SYDE2: variants seen among roughly 807,000 people sequenced by gnomAD.
The protein encoded by SYDE2 is synapse defective Rho GTPase homolog 2.
In SYDE2, 76 loss-of-function variants were observed where a neutral mutation model predicts 91.5. That is an observed-to-expected ratio of 0.83 (90% confidence interval 0.69 to 1.01). The LOEUF is 1.01. Among genes scored for constraint, SYDE2 ranks in the 50% least tolerant of loss-of-function variants. The probability of loss-of-function intolerance (pLI) is 0.00; values close to 1 mark genes in which losing one functional copy is unlikely to be tolerated. For synonymous variants in SYDE2, 513 were observed against 506.4 expected (o/e 1.01, Z -0.18); for missense variants, 1,364 against 1,367.7 (o/e 1.00, Z 0.04).
intron 1 of SYDE2, chr1:85,194,819 C>G: frequency 1.0e-6 from 1 of 985,180 alleles, no homozygotes; most frequent in Non-Finnish European, 1.2e-6. Context: ...AGCTCAAATG[C>G]CATCAGCAAA....
rs768427298 is a variant in SYDE2, at chr1:85,200,257, A to T, written c.740T>A (p.Leu247Gln). The change falls in exon 1 of 7, where the codon CTG (leucine) becomes CAG (glutamine). Residue 247 changes from leucine (L) to glutamine (Q), a missense_variant. Physicochemically the swap from Leu to Gln is moderately radical, Grantham distance 113. Coordinates refer to ENST00000341460, the MANE Select transcript of SYDE2 (RefSeq NM_032184.2). ...LSVPPDQRIT[L>Q]TDLFENAYGS... ...TTCATCGCAAAGTATCCTACCTGTCAGCGTAATTCTTTGGTCTGGAGGCAC... is the reference window on the plus strand; with the variant it reads ...TTCATCGCAAAGTATCCTACCTGTCTGCGTAATTCTTTGGTCTGGAGGCAC... The T allele has an allele frequency of 1.9e-6, 3 of 1,613,876 alleles. No individual in the cohort carries two copies.
intron 6 of SYDE2, among the ~76,000 whole-genome samples, 168 bp downstream of exon 6, chr1:85,164,358 A>T (rs1241227267): frequency 6.6e-6 from 1 of 152,246 alleles, no homozygotes; most frequent in Non-Finnish European, 1.5e-5. Context: ...CAGCAAAGGC[A>T]GAAAACATTT....
At chr1:85,198,002 ATCT>A (rs1658660933) in intron 1 of SYDE2, among the ~76,000 whole-genome samples, 1 of 152,104 alleles carries the variant, frequency 6.6e-6, no homozygotes, top group Admixed American at 6.6e-5. Context: ...AGATTCTCCC[ATCT>A]TCTTTGCAAC....
At chr1:85,199,234 CA>C (rs936585999) in intron 1 of SYDE2, among the ~76,000 whole-genome samples, 1 of 152,096 alleles carries the variant, frequency 6.6e-6, no homozygotes, top group African/African-American at 2.4e-5. Flanking sequence ...TAATGTTTTC[CA>C]AATTATTCCT....
At chr1:85,189,552 G>A (rs776643109) in intron 2 of SYDE2, among the ~76,000 whole-genome samples, 26 of 152,196 alleles carry the variant, frequency 1.7e-4, no homozygotes, top group Non-Finnish European at 3.5e-4. Flanking sequence ...AGTCAAGTCT[G>A]TGGCCAGGCA....
chr1:85,188,332 A>G (rs1658233194), intron 2 of SYDE2, among the ~76,000 whole-genome samples: 2 of 152,148 alleles, frequency 1.3e-5, no homozygotes, highest in African/African-American at 2.4e-5. Context: ...ATTACCTTCA[A>G]TCTCAACACC....
intron 1 of SYDE2, among the ~76,000 whole-genome samples, chr1:85,196,730 C>T (rs953209768): frequency 6.6e-6 from 1 of 151,740 alleles, no homozygotes; most frequent in African/African-American, 2.4e-5. Flanking sequence ...TTGAAAAGGG[C>T]AAATACAGAA....
intron 4 of SYDE2, among the ~76,000 whole-genome samples, chr1:85,177,903 G>A (rs1028054245): frequency 5.3e-5 from 8 of 151,720 alleles, no homozygotes; most frequent in African/African-American, 1.9e-4. Context: ...TTTTCTTTCT[G>A]CTAGCTACTA....
At chr1:85,154,625 G>C (rs893584528), downstream of SYDE2, among the ~76,000 whole-genome samples, 7 of 150,706 alleles carry the variant, frequency 4.6e-5, no homozygotes, top group East Asian at 1.2e-3. Context: ...ATTTGATGGC[G>C]CTCCATCATT....
intron 6 of SYDE2, among the ~76,000 whole-genome samples, chr1:85,161,870 AAAAG>A (rs151146720): frequency 0.15 from 22,530 of 152,050 alleles, 2,612 homozygotes; most frequent in African/African-American, 0.32. Flanking sequence ...ATGAATATCT[AAAAG>A]AAACATTTTT....
At position 85,191,751 on chromosome 1, in the gene SYDE2, C is replaced by T. The variant is rs1658376713; in HGVS notation, c.746-999G>A. Among the ~76,000 whole-genome samples the T allele has an allele frequency of 3.6e-5, 5 of 140,760 alleles. No homozygotes were observed. In the South Asian group the frequency reaches 1.2e-3, roughly 33 times the overall value. 92.3% of individuals were successfully genotyped at this position (140,760 alleles called of 152,430 possible). ...CCAGCCTGGGTAACAGAGCGAGATT[C>T]CGTCTCAAAAAAAAAAAAAAAAAAT... On this transcript the variant is annotated intron_variant, in intron 1 of 6. Coordinates refer to ENST00000341460, the MANE Select transcript of SYDE2 (RefSeq NM_032184.2).
intron 4 of SYDE2, among the ~76,000 whole-genome samples, chr1:85,176,618 AAAATT>A (rs1424261471): frequency 2.0e-4 from 31 of 152,344 alleles, no homozygotes; most frequent in Admixed American, 1.6e-3. Flanking sequence ...TTATAAGAGA[AAAATT>A]AACACATTAC....
chr1:85,171,229 A>G (rs987939018), intron 4 of SYDE2, among the ~76,000 whole-genome samples: 1 of 152,206 alleles, frequency 6.6e-6, no homozygotes, highest in African/African-American at 2.4e-5. Context: ...CAACTTAAAG[A>G]TAACTGGATC....
downstream of SYDE2, among the ~76,000 whole-genome samples, chr1:85,155,714 C>T (rs995827973): frequency 6.6e-6 from 1 of 152,096 alleles, no homozygotes; most frequent in African/African-American, 2.4e-5. Context: ...ACCTGGTTTA[C>T]CTGTGCATAC....
At position 85,190,539 on chromosome 1, in the gene SYDE2, G is replaced by C; in HGVS notation, c.959C>G (p.Ser320Cys). Residue 320 changes from serine (S) to cysteine (C), a missense_variant, in exon 2 of 7, where the codon TCT (serine) becomes TGT (cysteine). Coordinates refer to ENST00000341460, the MANE Select transcript of SYDE2 (RefSeq NM_032184.2). Reference protein sequence around the residue: ...DRSHLSISPVSLPKHQLSQSF... With the variant: ...DRSHLSISPVCLPKHQLSQSF... Reference sequence around the variant, plus strand: ...CTGTGATAGCTGATGTTTAGGTAGAGACACAGGTGAGATGGATAAATGACT... The same window carrying C: ...CTGTGATAGCTGATGTTTAGGTAGACACACAGGTGAGATGGATAAATGACT... 1.2e-6 allele frequency: 2 copies of C among 1,614,012 alleles called. No individual in the cohort carries two copies. The highest frequency in any genetic ancestry group is 8.5e-7 in the Non-Finnish European group (1 of 1,179,870).
intron 2 of SYDE2, among the ~76,000 whole-genome samples, chr1:85,189,488 G>T (rs550406408): frequency 1.3e-5 from 2 of 152,118 alleles, no homozygotes; most frequent in Non-Finnish European, 2.9e-5. Flanking sequence ...CCAACTAATA[G>T]GCAAGCAATT....
rs1042936271 is a variant in SYDE2, at chr1:85,182,437, T to G, written c.2205A>C (p.Glu735Asp). The G allele has an allele frequency of 6.2e-7, 1 of 1,613,624 alleles. No homozygotes were observed. The highest frequency in any genetic ancestry group is 8.5e-7 in the Non-Finnish European group (1 of 1,179,700). The change falls in exon 3 of 7, where the codon GAA (glutamate) becomes GAC (aspartate). Residue 735 changes from glutamate to aspartate, a missense_variant. Physicochemically the swap from Glu to Asp is conservative, Grantham distance 45. Coordinates refer to ENST00000341460, the MANE Select transcript of SYDE2 (RefSeq NM_032184.2). ...FLDMDHTFNI[E>D]IENAQHLKLV... is the part of the protein sequence containing the mutation. ...GTTTCAAATGTTGTGCATTTTCAATTTCTATGTTGAAAGTGTGATCCATGT... is the reference window on the plus strand; with the variant it reads ...GTTTCAAATGTTGTGCATTTTCAATGTCTATGTTGAAAGTGTGATCCATGT...
Position 85,190,636 on chromosome 1 carries a change from G to C in SYDE2, c.862C>G (p.Arg288Gly). Residue 288 changes from arginine (R) to glycine (G), a missense_variant, in exon 2 of 7, where the codon CGC (arginine) becomes GGC (glycine). Transcript: ENST00000341460. Reference sequence around the variant, plus strand: ...AGAGTACTCTGATATAGCCAATTGCGTTTCTTTGAAACAGTGATGCTGTTA... The same window carrying C: ...AGAGTACTCTGATATAGCCAATTGCCTTTCTTTGAAACAGTGATGCTGTTA... ...PLNSITVSKKRNWLYQSTLRP... is the reference protein window; with the variant it reads ...PLNSITVSKKGNWLYQSTLRP... The C allele has an allele frequency of 1.2e-6, 2 of 1,613,818 alleles. No individual in the cohort carries two copies. Among genetic ancestry groups the C allele is most frequent in the Non-Finnish European group, 1.7e-6 (2 of 1,179,850 alleles).
chr1:85,163,496 A>G (rs817416), intron 6 of SYDE2, among the ~76,000 whole-genome samples: 31,915 of 138,382 alleles, frequency 0.23, 4,682 homozygotes, highest in African/African-American at 0.4. Flanking sequence ...AAGAGTAACC[A>G]AAGACATTGA....
Sources: gnomAD v4.1 joint callset for allele counts (sites outside exome capture counted in the v4.1 genomes callset) on GRCh38, gnomAD v4.1.1 for gene constraint, MANE v1.5 for transcripts, NCBI Gene and HGNC (gene_info 2026-07-23, HGNC 2026-07-21) for gene names.